MAP1B: variants seen among roughly 807,000 people sequenced by gnomAD.
The protein encoded by MAP1B is microtubule associated protein 1B.
MAP1B carries 12 observed loss-of-function variants against 176.1 expected under a neutral mutation model. That is an observed-to-expected ratio of 0.07 (90% confidence interval 0.04 to 0.11). The LOEUF (loss-of-function observed/expected upper bound fraction) is 0.11, where lower values mean the gene tolerates loss of function less well. MAP1B is among the 10% of genes least tolerant of loss of function. The probability of loss-of-function intolerance (pLI) is 1.00; values close to 1 mark genes in which losing one functional copy is unlikely to be tolerated. For missense variants in MAP1B, 2,523 were observed against 2,990.5 expected (o/e 0.84, Z 3.65); for synonymous variants, 1,044 against 1,135.0 (o/e 0.92, Z 1.61).
chr5:72,121,163 T>C (rs144570973), intron 2 of MAP1B, among the ~76,000 whole-genome samples: 1 of 152,200 alleles, frequency 6.6e-6, no homozygotes, highest in South Asian at 2.1e-4. Flanking sequence ...GCAAGGGCTG[T>C]CAGGGAACGT....
chr5:72,159,002 G>A (rs1048071442), intron 2 of MAP1B, among the ~76,000 whole-genome samples: 4 of 152,150 alleles, frequency 2.6e-5, no homozygotes, highest in Admixed American at 6.5e-5. Context: ...CCTCACAACA[G>A]CCATATGGGG....
At chr5:72,152,540 G>A (rs1016037831) in intron 2 of MAP1B, among the ~76,000 whole-genome samples, 1 of 152,162 alleles carries the variant, frequency 6.6e-6, no homozygotes, top group African/African-American at 2.4e-5. Context: ...TCCACCTCCT[G>A]GGTTCAAGCA....
intron 1 of MAP1B, among the ~76,000 whole-genome samples, chr5:72,114,740 G>T (rs537538816): frequency 6.6e-6 from 1 of 152,368 alleles, no homozygotes; most frequent in African/African-American, 2.4e-5. Context: ...GAGGGCAGGA[G>T]AAAGAGGACA....
intron 1 of MAP1B, among the ~76,000 whole-genome samples, chr5:72,109,436 A>G (rs1413340166): frequency 6.6e-6 from 1 of 152,220 alleles, no homozygotes; most frequent in African/African-American, 2.4e-5. Flanking sequence ...AATTTTACAC[A>G]TACTGACTTT....
chr5:72,199,023 G>C lies in MAP1B; in HGVS notation c.5668G>C (p.Glu1890Gln). ...CCCAGATGAAGAAGATTATGACTATGAGTCTTATGAGAAGACCACCCGGAC... is the reference window on the plus strand; with the variant it reads ...CCCAGATGAAGAAGATTATGACTATCAGTCTTATGAGAAGACCACCCGGAC... Reference protein sequence around the residue: ...RSPDEEDYDYESYEKTTRTSD... With the variant: ...RSPDEEDYDYQSYEKTTRTSD... The change falls in exon 5 of 7, where the codon GAG (glutamate) becomes CAG (glutamine). Residue 1890 changes from glutamate to glutamine, a missense_variant. Physicochemically the swap from Glu to Gln is conservative, Grantham distance 29. Coordinates refer to ENST00000296755, the MANE Select transcript of MAP1B (RefSeq NM_005909.5). This position sits in a 1 kb window ranked among gnomAD's most constrained non-coding sequence, Gnocchi z 4.2. The C allele has an allele frequency of 6.2e-7, 1 of 1,614,110 alleles. No homozygotes were observed. The highest frequency in any genetic ancestry group is 8.5e-7 in the Non-Finnish European group (1 of 1,180,006).
chr5:72,185,608 GAAAA>G (rs70999268), intron 3 of MAP1B, among the ~76,000 whole-genome samples: 2 of 134,970 alleles, frequency 1.5e-5, no homozygotes, highest in African/African-American at 2.8e-5. Flanking sequence ...CTCAAAAGGA[GAAAA>G]AAAAAAAAAA....
chr5:72,114,900 T>G (rs890072094), intron 1 of MAP1B, among the ~76,000 whole-genome samples: 1 of 152,226 alleles, frequency 6.6e-6, no homozygotes. Flanking sequence ...CCGTTCAGCC[T>G]AGGGTAGGAA....
intron 1 of MAP1B, among the ~76,000 whole-genome samples, chr5:72,114,222 T>C (rs755847374): frequency 4.1e-4 from 63 of 152,330 alleles, no homozygotes; most frequent in Middle Eastern, 3.4e-3. Context: ...GAATCTTTTT[T>C]TTTTGTAATG....
At chr5:72,126,395 G>T (rs1745630969) in intron 2 of MAP1B, among the ~76,000 whole-genome samples, 1 of 152,254 alleles carries the variant, frequency 6.6e-6, no homozygotes, top group Admixed American at 6.5e-5. Context: ...GGTGACTTAA[G>T]TTTGAAAACT....
In MAP1B at chr5:72,204,707, T is replaced by G. The variant is rs552089522; in HGVS notation, c.7252-377T>G. Among the ~76,000 whole-genome samples, 3 of 152,338 alleles carry G rather than the reference T, an allele frequency of 2.0e-5. No individual in the cohort carries two copies. The highest frequency in any genetic ancestry group is 6.5e-5 in the Admixed American group (1 of 15,304). On this transcript the variant is annotated intron_variant, in intron 6 of 6. Coordinates refer to ENST00000296755, the MANE Select transcript of MAP1B (RefSeq NM_005909.5). The surrounding 1 kb of genome is among the most constrained non-coding windows in gnomAD (Gnocchi z 4.4). ...CACAATGAGTGGGCTTTTGAGGGCT[T>G]TGAAGTGCGCGATAAAATCCTTGGA...
chr5:72,181,691 G>A (rs1025296566), intron 2 of MAP1B, among the ~76,000 whole-genome samples: 7 of 151,604 alleles, frequency 4.6e-5, no homozygotes, highest in Non-Finnish European at 8.8e-5. Flanking sequence ...CCATGTAGCT[G>A]GGACCACAGA....
intron 4 of MAP1B, among the ~76,000 whole-genome samples, chr5:72,189,546 A>G (rs558470136): frequency 6.6e-6 from 1 of 152,110 alleles, no homozygotes; most frequent in Non-Finnish European, 1.5e-5. Context: ...AAGGGAGGTG[A>G]AGGCCAGGTG....
chr5:72,200,496 G>A, intron 5 of MAP1B, 129 bp downstream of exon 5: 1 of 1,186,472 alleles, frequency 8.4e-7, no homozygotes, highest in Admixed American at 2.3e-5. Context: ...TACCTTCCCT[G>A]TACTCTTCTC....
chr5:72,174,892 C>CTTCG (rs1746618797), intron 2 of MAP1B, among the ~76,000 whole-genome samples: 1 of 149,216 alleles, frequency 6.7e-6, no homozygotes, highest in African/African-American at 2.5e-5. Context: ...TCCTTCCTTC[C>CTTCG]TTCCCTCCCT....
At chr5:72,182,782 C>G (rs1484610693) in intron 2 of MAP1B, among the ~76,000 whole-genome samples, 1 of 152,204 alleles carries the variant, frequency 6.6e-6, no homozygotes, top group Non-Finnish European at 1.5e-5. Context: ...ATGTTTGTGT[C>G]TACCCTCCCA....
chr5:72,129,670 C>T (rs1054652419), intron 2 of MAP1B, among the ~76,000 whole-genome samples: 9 of 152,046 alleles, frequency 5.9e-5, no homozygotes, highest in East Asian at 5.8e-4. Context: ...TTCCCCTCTC[C>T]GCTGCAGTCA....
chr5:72,113,285 G>C (rs886168320), intron 1 of MAP1B, among the ~76,000 whole-genome samples: 1 of 152,134 alleles, frequency 6.6e-6, no homozygotes, highest in Non-Finnish European at 1.5e-5. Flanking sequence ...TAGTGGTTGT[G>C]CATTGCTAAG....
chr5:72,171,331 T>G (rs1329883988), intron 2 of MAP1B, among the ~76,000 whole-genome samples: 1 of 152,138 alleles, frequency 6.6e-6, no homozygotes, highest in Non-Finnish European at 1.5e-5. Context: ...CTCACACTTG[T>G]AATCCCAGCA....
At chr5:72,108,825 C>T (rs1381094509) in intron 1 of MAP1B, among the ~76,000 whole-genome samples, 3 of 152,332 alleles carry the variant, frequency 2.0e-5, no homozygotes, top group Admixed American at 6.5e-5. Flanking sequence ...GTGGGCAGCT[C>T]TGGTCTCTGC....
Sources: gnomAD v4.1 joint callset for allele counts (sites outside exome capture counted in the v4.1 genomes callset) on GRCh38, gnomAD v4.1.1 for gene constraint, Gnocchi (gnomAD v3.1) non-coding constraint, MANE v1.5 for transcripts, NCBI Gene and HGNC (gene_info 2026-07-23, HGNC 2026-07-21) for gene names.